Variants in XRCC5 observed in about 807,000 individuals in gnomAD.
XRCC5 encodes X-ray repair cross complementing 5, also known as DNA repair protein Ku80.
XRCC5 carries 12 observed loss-of-function variants against 95.7 expected under a neutral mutation model. That is an observed-to-expected ratio of 0.13 (90% CI 0.08 to 0.20). The LOEUF (loss-of-function observed/expected upper bound fraction) is 0.20. XRCC5 is among the 10% of genes least tolerant of loss of function. The pLI is 1.00. For synonymous variants in XRCC5, 281 were observed against 290.3 expected, an observed-to-expected ratio of 0.97 and a Z score of 0.33; for missense variants, 595 against 873.9, an observed-to-expected ratio of 0.68 and a Z score of 4.02.
intron 10 of XRCC5, among the ~76,000 whole-genome samples, chr2:216,136,830 T>C (rs1400571494): frequency 6.6e-6 from 1 of 152,172 alleles, no homozygotes; most frequent in Non-Finnish European, 1.5e-5. Flanking sequence ...CTGACATGAG[T>C]TTATTTTTAG....
chr2:216,195,836 C>G (rs1689709286), intron 19 of XRCC5, among the ~76,000 whole-genome samples: 1 of 152,200 alleles, frequency 6.6e-6, no homozygotes, highest in African/African-American at 2.4e-5. Flanking sequence ...CAGTCACTGA[C>G]TGATGTAGTT....
At chr2:216,141,410 G>T (rs1221513698) in intron 13 of XRCC5, 91 bp downstream of exon 13, 4 of 1,405,364 alleles carry the variant, frequency 2.8e-6, no homozygotes, top group African/African-American at 1.4e-5. Context: ...CTAAATAAAT[G>T]TCTTTTTTCT....
In XRCC5 at chr2:216,141,230, T is replaced by G. The variant is rs1178012017; in HGVS notation, c.1387T>G (p.Leu463Val). 6.2e-7 allele frequency: 1 copy of G among 1,614,146 alleles called. No individual in the cohort carries two copies. The change falls in exon 13 of 21, where the codon TTG becomes GTG. Residue 463 changes from leucine to valine, a missense_variant. Around this residue, in one of 2 missense-constraint regions of XRCC5, gnomAD observed 309 missense variants for 382.9 expected, o/e 0.81. Transcript: ENST00000392132. Reference protein sequence around the residue: ...AVDALIDSMSLAKKDEKTDTL... With the variant: ...AVDALIDSMSVAKKDEKTDTL... ...TGATGCTTTGATTGACTCCATGAGC[T>G]TGGCAAAGAAAGATGAGAAGACAGA...
chr2:216,204,305 T>C lies in XRCC5; in HGVS notation c.2110-17T>C. The C allele has an allele frequency of 2.5e-6, 4 of 1,613,730 alleles. No individual in the cohort carries two copies. The highest frequency in any genetic ancestry group is 3.4e-6 in the Non-Finnish European group (4 of 1,179,646). ...AAAAATATCATTTTGGTATGATAACTGACTTTCTATTTACAGTTTCTGGCC... is the reference window on the plus strand; with the variant it reads ...AAAAATATCATTTTGGTATGATAACCGACTTTCTATTTACAGTTTCTGGCC... On this transcript the variant is annotated splice_polypyrimidine_tract_variant and intron_variant, in intron 19 of 20. Transcript: ENST00000392132.
chr2:216,155,923 G>A (rs1368341136), intron 14 of XRCC5, among the ~76,000 whole-genome samples: 1 of 152,158 alleles, frequency 6.6e-6, no homozygotes, highest in African/African-American at 2.4e-5. Flanking sequence ...ATTTGATAAT[G>A]TGCTAAGAAG....
At chr2:216,141,400 C>A in intron 13 of XRCC5, 81 bp downstream of exon 13, 1 of 1,486,410 alleles carries the variant, frequency 6.7e-7, no homozygotes, top group Non-Finnish European at 9.2e-7. Flanking sequence ...TTGGCCAGTC[C>A]TAAATAAATG....
At chr2:216,135,255 T>G (rs1299346241) in intron 10 of XRCC5, among the ~76,000 whole-genome samples, 1 of 152,034 alleles carries the variant, frequency 6.6e-6, no homozygotes, top group African/African-American at 2.4e-5. Context: ...AAATCTGGAA[T>G]GGAGAGGGTA....
At chr2:216,129,132 TA>T (rs1477256894) in intron 8 of XRCC5, among the ~76,000 whole-genome samples, 1 of 152,216 alleles carries the variant, frequency 6.6e-6, no homozygotes, top group African/African-American at 2.4e-5. Flanking sequence ...GAGAAGGATC[TA>T]GTGATAAGGA....
At chr2:216,159,356 G>A (rs1465958061) in intron 14 of XRCC5, among the ~76,000 whole-genome samples, 14 of 151,944 alleles carry the variant, frequency 9.2e-5, no homozygotes, top group Admixed American at 3.3e-4. Context: ...TTTAAGACAG[G>A]CTGTTAAAGC....
chr2:216,175,197 C>G (rs1402779556), intron 16 of XRCC5: 1 of 374,200 alleles, frequency 2.7e-6, no homozygotes, highest in Non-Finnish European at 5.2e-6. Flanking sequence ...TGTAGGCAGG[C>G]CCACCACCAT....
intron 17 of XRCC5, 107 bp downstream of exon 17, chr2:216,190,441 T>C: frequency 1.0e-6 from 1 of 955,472 alleles, no homozygotes; most frequent in Admixed American, 2.4e-5. Context: ...AAATTATCAT[T>C]CTCAATATGA....
At chr2:216,178,550 G>A (rs1455636095) in intron 16 of XRCC5, among the ~76,000 whole-genome samples, 1 of 152,096 alleles carries the variant, frequency 6.6e-6, no homozygotes, top group Non-Finnish European at 1.5e-5. Flanking sequence ...AAAAGAAAAA[G>A]GTGTACACCA....
chr2:216,140,843 C>T (rs1697159500), intron 12 of XRCC5, among the ~76,000 whole-genome samples: 1 of 152,138 alleles, frequency 6.6e-6, no homozygotes, highest in African/African-American at 2.4e-5. Context: ...AATATTAGCT[C>T]AATGGATACT....
chr2:216,156,743 T>G (rs1186181324), intron 14 of XRCC5: 1 of 534,572 alleles, frequency 1.9e-6, no homozygotes, highest in East Asian at 5.3e-5. Context: ...AATGAGGATT[T>G]TGCCGCTGCT....
intron 16 of XRCC5, among the ~76,000 whole-genome samples, chr2:216,177,131 G>A (rs977342630): frequency 6.6e-6 from 1 of 152,152 alleles, no homozygotes; most frequent in Non-Finnish European, 1.5e-5. Flanking sequence ...TGTTCTGCCA[G>A]TTGTTCTCTA....
chr2:216,135,668 G>A (rs151162686), intron 10 of XRCC5, among the ~76,000 whole-genome samples: 11 of 152,040 alleles, frequency 7.2e-5, no homozygotes, highest in African/African-American at 2.4e-4. Flanking sequence ...GCATGGTGGC[G>A]CGTGCCTATA....
chr2:216,185,742 C>T (rs1689482408), intron 16 of XRCC5, among the ~76,000 whole-genome samples: 1 of 148,834 alleles, frequency 6.7e-6, no homozygotes. Context: ...GTGGCATGAT[C>T]TCGGCTCACT....
chr2:216,191,817 T>C (rs1689618677), intron 17 of XRCC5, among the ~76,000 whole-genome samples: 1 of 152,216 alleles, frequency 6.6e-6, no homozygotes, highest in South Asian at 2.1e-4. Flanking sequence ...TAATTTTTTA[T>C]GTGGTGTTAA....
rs770864777 is a variant in XRCC5, at chr2:216,205,248, G to A, written c.*46G>A. 6.2e-6 allele frequency: 10 copies of A among 1,613,560 alleles called. No individual in the cohort carries two copies. In the South Asian group the frequency reaches 1.1e-4, roughly 18 times the overall value. ...CTAAGAGAGCTGCCATCGCTGTGATGCTGGGAGTTCTAACAAAACAAGTTG... is the reference window on the plus strand; with the variant it reads ...CTAAGAGAGCTGCCATCGCTGTGATACTGGGAGTTCTAACAAAACAAGTTG... On this transcript the variant is annotated 3_prime_UTR_variant, in exon 21 of 21. Transcript: ENST00000392132.
Sources: gnomAD v4.1 joint callset for allele counts (sites outside exome capture counted in the v4.1 genomes callset) on GRCh38, gnomAD v4.1.1 for gene constraint, gnomAD v4.1.1 regional missense constraint, MANE v1.5 for transcripts, NCBI Gene and HGNC (gene_info 2026-07-23, HGNC 2026-07-21) for gene names.